BCL2L13: variants seen among roughly 807,000 people sequenced by gnomAD.
BCL2L13 encodes bcl-2-like protein 13.
BCL2L13 carries 13 observed loss-of-function variants against 25.8 expected under a neutral mutation model. The ratio of observed to expected loss-of-function variants is 0.50; its 90% CI spans 0.33 to 0.80. BCL2L13 has a LOEUF of 0.80. Among genes scored for constraint, BCL2L13 ranks in the 30% least tolerant of loss-of-function variants. The pLI, the probability that BCL2L13 is intolerant of heterozygous loss-of-function variation, is 0.02. For synonymous variants in BCL2L13, 244 were observed against 230.3 expected (o/e 1.06, Z -0.54); for missense variants, 504 against 574.9 (o/e 0.88, Z 1.26).
chr22:17,687,691 G>A (rs1368813718), intron 3 of BCL2L13, among the ~76,000 whole-genome samples: 1 of 151,804 alleles, frequency 6.6e-6, no homozygotes, highest in Non-Finnish European at 1.5e-5. Flanking sequence ...TAATTTTTTT[G>A]TATTTTTAGT....
At chr22:17,630,106 C>T (rs1197664393) in intron 1 of BCL2L13, among the ~76,000 whole-genome samples, 1 of 151,404 alleles carries the variant, frequency 6.6e-6, no homozygotes, top group Non-Finnish European at 1.5e-5. Flanking sequence ...TAATCCCAGC[C>T]ACTGGAGAGG....
rs558413510 is a variant in BCL2L13, at chr22:17,710,885, T to A, written c.600+8499T>A. ...GAGCGAGACTCCGTCTCAAAAAAAA[T>A]AAAAATAAAAAAAAATAAATAAATA... is the stretch of plus-strand genomic sequence containing the variant. On this transcript the variant is annotated intron_variant, in intron 6 of 6. Coordinates refer to ENST00000317582, the MANE Select transcript of BCL2L13 (RefSeq NM_015367.4). Among the ~76,000 whole-genome samples, 563 of 150,340 alleles carry A rather than the reference T, an allele frequency of 3.7e-3. 3 individuals are homozygous for A. The highest frequency in any genetic ancestry group is 0.01 in the Middle Eastern group (3 of 292).
chr22:17,684,639 C>T (rs1295428661), intron 3 of BCL2L13: 2 of 453,482 alleles, frequency 4.4e-6, no homozygotes, highest in Non-Finnish European at 8.8e-6. Flanking sequence ...TCTCGGCCCA[C>T]CACAACCTCC....
intron 1 of BCL2L13, among the ~76,000 whole-genome samples, chr22:17,641,357 T>TG (rs1270993648): frequency 6.6e-6 from 1 of 151,982 alleles, no homozygotes; most frequent in Non-Finnish European, 1.5e-5. Context: ...ATATACAAAG[T>TG]GGGGGTGGGT....
chr22:17,706,657 C>A, intron 6 of BCL2L13: 1 of 1,285,438 alleles, frequency 7.8e-7, no homozygotes, highest in South Asian at 1.3e-5. Flanking sequence ...TCAGTTTTGA[C>A]TTTTATTTGC....
At position 17,680,215 on chromosome 22, in the gene BCL2L13, CA is replaced by C. The variant is rs71201867; in HGVS notation, c.122-2985del. On this transcript the variant is annotated intron_variant, in intron 2 of 6. Coordinates refer to ENST00000317582, the MANE Select transcript of BCL2L13 (RefSeq NM_015367.4). Reference sequence around the variant, plus strand: ...GGGCAGCAAGGGCGTAACTCTCTCTCAAAAAAAAAAAAAAGCTGGGCACGGT... The same window carrying C: ...GGGCAGCAAGGGCGTAACTCTCTCTCAAAAAAAAAAAAAGCTGGGCACGGT... Among the ~76,000 whole-genome samples the C allele has an allele frequency of 7.8e-4, 52 of 67,028 alleles. 1 individual carries two copies. The highest frequency in any genetic ancestry group is 7.5e-4 in the Non-Finnish European group (27 of 36,104). The allele number at this position is 67,028 out of a possible 152,430, so 44.0% of individuals were successfully genotyped here.
At chr22:17,649,871 C>CTTTTTTTTT (rs71201855) in intron 1 of BCL2L13, among the ~76,000 whole-genome samples, 4 of 94,390 alleles carry the variant, frequency 4.2e-5, no homozygotes, top group African/African-American at 7.9e-5. Flanking sequence ...TTTTTCTTTT[C>CTTTTTTTTT]TTTTTTTTTT....
intron 6 of BCL2L13, among the ~76,000 whole-genome samples, chr22:17,725,782 G>A (rs1044267535): frequency 1.3e-5 from 2 of 149,912 alleles, no homozygotes; most frequent in African/African-American, 4.9e-5. Context: ...TTTTGATTTT[G>A]GAATGTTTGT....
chr22:17,666,018 T>C (rs1215423887), intron 2 of BCL2L13, among the ~76,000 whole-genome samples: 1 of 152,142 alleles, frequency 6.6e-6, no homozygotes, highest in African/African-American at 2.4e-5. Context: ...GAAAAGAATA[T>C]ATTTTGTTTT....
chr22:17,698,742 G>GAA (rs1409980345), intron 5 of BCL2L13, among the ~76,000 whole-genome samples: 2 of 151,738 alleles, frequency 1.3e-5, no homozygotes, highest in Admixed American at 1.3e-4. Flanking sequence ...AAAAAGAAAA[G>GAA]AAAGCCCATA....
chr22:17,718,707 G>A (rs1412424298), intron 6 of BCL2L13, among the ~76,000 whole-genome samples: 4 of 152,102 alleles, frequency 2.6e-5, no homozygotes, highest in Admixed American at 2.6e-4. Context: ...TCTTTTTGAA[G>A]ATTTTTAAAA....
At position 17,702,234 on chromosome 22, in the gene BCL2L13, G is replaced by A. The variant is rs778307359; in HGVS notation, c.457-9G>A. On this transcript the variant is annotated splice_polypyrimidine_tract_variant and intron_variant, in intron 5 of 6. Coordinates refer to ENST00000317582, the MANE Select transcript of BCL2L13 (RefSeq NM_015367.4). ...TGTGGTTTTTTATTCTCTCATCTTT[G>A]CATTGAAGATTTTGGTGCCTCTGGT... is the stretch of plus-strand genomic sequence containing the variant. 3 of 1,590,114 alleles carry A rather than the reference G, an allele frequency of 1.9e-6. No individual in the cohort carries two copies. Among genetic ancestry groups the A allele is most frequent in the East Asian group, 2.3e-5 (1 of 43,694 alleles).
intron 2 of BCL2L13, among the ~76,000 whole-genome samples, chr22:17,677,548 A>G (rs2059609220): frequency 6.6e-6 from 1 of 152,184 alleles, no homozygotes; most frequent in African/African-American, 2.4e-5. Context: ...CCTGGCCAAC[A>G]AGGCAAAACT....
chr22:17,696,458 AT>A (rs2060266904), intron 5 of BCL2L13, among the ~76,000 whole-genome samples: 1 of 151,994 alleles, frequency 6.6e-6, no homozygotes, highest in Non-Finnish European at 1.5e-5. Context: ...TCATTTCTTC[AT>A]TTCTCTGTGT....
At chr22:17,635,311 G>A (rs546174622), upstream of BCL2L13, among the ~76,000 whole-genome samples, 2 of 152,220 alleles carry the variant, frequency 1.3e-5, no homozygotes, top group South Asian at 4.1e-4. Context: ...ACTCAGGCGG[G>A]CGGATCACAA....
rs779343604 is a variant in BCL2L13 at position 17,696,169 on chromosome 22, T to G, written c.415T>G (p.Cys139Gly). Residue 139 changes from cysteine to glycine, a missense_variant, in exon 5 of 7, where the codon TGT (cysteine) becomes GGT (glycine). Transcript: ENST00000317582. ...AGTGACATATCAGGCATTTCGGGAA[T>G]GTACACTGGAGACCACAGTTCATGC... The part of the protein sequence containing the change: ...QPVTYQAFRE[C>G]TLETTVHASG... The G allele has an allele frequency of 3.1e-6, 5 of 1,613,984 alleles. No homozygotes were observed. Among genetic ancestry groups the G allele is most frequent in the Non-Finnish European group, 4.2e-6 (5 of 1,179,874 alleles).
chr22:17,701,241 C>G (rs1354565116), intron 5 of BCL2L13, among the ~76,000 whole-genome samples: 1 of 152,036 alleles, frequency 6.6e-6, no homozygotes, highest in African/African-American at 2.4e-5. Context: ...CAAGATAGCT[C>G]TTAGTTTTTA....
At chr22:17,689,967 C>G (rs1006413167) in intron 4 of BCL2L13, among the ~76,000 whole-genome samples, 5 of 152,038 alleles carry the variant, frequency 3.3e-5, no homozygotes, top group African/African-American at 1.2e-4. Flanking sequence ...TCTCTCCTAG[C>G]TATGGTTCTG....
At chr22:17,711,945 T>G (rs1322433764) in intron 6 of BCL2L13, among the ~76,000 whole-genome samples, 1 of 151,896 alleles carries the variant, frequency 6.6e-6, no homozygotes, top group East Asian at 1.9e-4. Flanking sequence ...AGATTAAGAA[T>G]AAAGAACATA....
Sources: allele counts gnomAD v4.1 joint callset (sites outside exome capture counted in the v4.1 genomes callset), GRCh38; gene constraint gnomAD v4.1.1; transcripts MANE v1.5; gene names NCBI Gene and HGNC (gene_info 2026-07-23, HGNC 2026-07-21).